The following HAPLN1 variants were observed in gnomAD, a reference collection of about 807,000 sequenced individuals.
HAPLN1 encodes Cartilage link protein.
Under a neutral mutation model 36.5 loss-of-function variants are expected in HAPLN1, and 13 were observed. The ratio of observed to expected loss-of-function variants is 0.36; its 90% CI spans 0.23 to 0.57. The LOEUF (loss-of-function observed/expected upper bound fraction) is 0.57. Ranked by LOEUF, HAPLN1 falls within the 20% of genes least tolerant of loss-of-function variation. The probability of loss-of-function intolerance (pLI) is 0.83; values close to 1 mark genes in which losing one functional copy is unlikely to be tolerated. For synonymous variants in HAPLN1, 202 were observed against 169.8 expected (o/e 1.19, Z -1.48); for missense variants, 407 against 439.7 (o/e 0.93, Z 0.66).
At chr5:83,691,115 G>C (rs910574981) in intron 1 of HAPLN1, among the ~76,000 whole-genome samples, 1 of 152,006 alleles carries the variant, frequency 6.6e-6, no homozygotes, top group African/African-American at 2.4e-5. Context: ...AATGAGGTGA[G>C]TCATATAATT....
rs193147120 is a variant in HAPLN1, at chr5:83,704,934, C to T, written c.-27+15855G>A. Among the ~76,000 whole-genome samples the T allele has an allele frequency of 1.5e-3, 227 of 152,204 alleles. 1 individual carries two copies. The highest frequency in any genetic ancestry group is 7.7e-3 in the East Asian group (40 of 5,180). ...ATAGACCTCTACAGAACTGTCCATC[C>T]GAAAACAACAGAATATACATTTTTT... is the stretch of plus-strand genomic sequence containing the variant. On this transcript the variant is annotated intron_variant, in intron 1 of 4. Transcript: ENST00000274341.
intron 3 of HAPLN1, among the ~76,000 whole-genome samples, chr5:83,648,564 T>A (rs2112561005): frequency 6.6e-6 from 1 of 151,622 alleles, no homozygotes; most frequent in African/African-American, 2.4e-5. Flanking sequence ...AGAATTTTTT[T>A]TTCTAATTAG....
chr5:83,707,586 A>C (rs1751681437), intron 1 of HAPLN1, among the ~76,000 whole-genome samples: 1 of 152,248 alleles, frequency 6.6e-6, no homozygotes. Context: ...AATCAACTCA[A>C]GATTAATTAA....
At chr5:83,702,084 C>T (rs1476285093) in intron 1 of HAPLN1, among the ~76,000 whole-genome samples, 5 of 152,102 alleles carry the variant, frequency 3.3e-5, no homozygotes, top group African/African-American at 1.2e-4. Context: ...ATGATGCAAG[C>T]ATGAGCCATG....
chr5:83,687,043 G>T (rs367652697), intron 1 of HAPLN1, among the ~76,000 whole-genome samples: 6 of 152,220 alleles, frequency 3.9e-5, no homozygotes, highest in African/African-American at 1.4e-4. Flanking sequence ...AAAACAAAAG[G>T]AAATGCACTC....
intron 1 of HAPLN1, among the ~76,000 whole-genome samples, chr5:83,712,593 A>T (rs1019963496): frequency 6.6e-6 from 1 of 152,052 alleles, no homozygotes; most frequent in Non-Finnish European, 1.5e-5. Context: ...CGCTAGTAAA[A>T]TCTGTGACTT....
chr5:83,660,714 T>G (rs1750362501), intron 2 of HAPLN1, among the ~76,000 whole-genome samples: 1 of 152,146 alleles, frequency 6.6e-6, no homozygotes, highest in Admixed American at 6.5e-5. Context: ...TCCACATTCA[T>G]TATTTCATTT....
rs1749570183 is a variant in HAPLN1 at position 83,638,178 on chromosome 5, T to A, written c.*3318A>T. ...AGAAAAATAGCTAAGATTCTACAAC[T>A]CAGAAGAATTAAAAGATACTGCAGT... On this transcript the variant is annotated 3_prime_UTR_variant, in exon 5 of 5. Coordinates refer to ENST00000274341, the MANE Select transcript of HAPLN1 (RefSeq NM_001884.4). 6.6e-6 allele frequency: 1 copy of A among 151,920 alleles called. No individual in the cohort carries two copies. Among genetic ancestry groups the A allele is most frequent in the Admixed American group, 6.6e-5 (1 of 15,250 alleles). The allele number at this position is 151,920 out of a possible 1,614,324, so 9.4% of individuals were successfully genotyped here. A position where few individuals can be genotyped will look rare whatever the true frequency, so the allele number is the denominator to read the frequency against.
Position 83,678,342 on chromosome 5 carries a change from C to T in HAPLN1, c.-26-4793G>A, listed in dbSNP as rs149616863. Among the ~76,000 whole-genome samples, 20 of 150,820 alleles carry T rather than the reference C, an allele frequency of 1.3e-4. No homozygotes were observed. In the East Asian group the frequency reaches 3.1e-3, roughly 24 times the overall value. On this transcript the variant is annotated intron_variant, in intron 1 of 4. Coordinates refer to ENST00000274341, the MANE Select transcript of HAPLN1 (RefSeq NM_001884.4). ...AAATAATAGGCAGATGGGTATTTTC[C>T]TTTTATTTTACAAACTCTTTATATT...
At chr5:83,675,675 T>C (rs1750843701) in intron 1 of HAPLN1, among the ~76,000 whole-genome samples, 1 of 152,192 alleles carries the variant, frequency 6.6e-6, no homozygotes, top group African/African-American at 2.4e-5. Flanking sequence ...TCCAACAACC[T>C]AATTTAAAAT....
chr5:83,652,034 A>G (rs192401926), intron 3 of HAPLN1: 6 of 174,062 alleles, frequency 3.4e-5, no homozygotes, highest in Admixed American at 6.3e-5. Flanking sequence ...ACAGAATACA[A>G]TTACATATAT....
At chr5:83,660,364 C>T (rs1384818032) in intron 2 of HAPLN1, among the ~76,000 whole-genome samples, 2 of 152,098 alleles carry the variant, frequency 1.3e-5, no homozygotes, top group Non-Finnish European at 2.9e-5. Flanking sequence ...GGAGGTTTAT[C>T]TATGGCAATG....
chr5:83,683,525 G>T (rs2112611098), intron 1 of HAPLN1, among the ~76,000 whole-genome samples: 1 of 152,320 alleles, frequency 6.6e-6, no homozygotes, highest in Admixed American at 6.5e-5. Flanking sequence ...GCAAATGACA[G>T]TTGAGGATAA....
At chr5:83,647,855 A>G (rs540826839) in intron 3 of HAPLN1, among the ~76,000 whole-genome samples, 1 of 152,300 alleles carries the variant, frequency 6.6e-6, no homozygotes, top group African/African-American at 2.4e-5. Context: ...AGCATAAATA[A>G]TATTACCTTC....
At chr5:83,689,445 G>T (rs1013094209) in intron 1 of HAPLN1, among the ~76,000 whole-genome samples, 1 of 135,796 alleles carries the variant, frequency 7.4e-6, no homozygotes, top group South Asian at 2.5e-4. Flanking sequence ...TTAATAAAAG[G>T]CCTTATAACT....
intron 1 of HAPLN1, among the ~76,000 whole-genome samples, chr5:83,705,387 C>CAAAAAAAAAA (rs762927081): frequency 1.1e-4 from 9 of 85,412 alleles, no homozygotes; most frequent in East Asian, 7.0e-4. Flanking sequence ...TGAAACGTCA[C>CAAAAAAAAAA]AAAAAAAAAA....
rs56962854 is a variant in HAPLN1 at position 83,678,220 on chromosome 5, G to GGTGTGTGTGTGTGTGT, written c.-26-4687_-26-4672dup. ...CATTTTCCTTTTTATCTATAGTTTG[G>GGTGTGTGTGTGTGTGT]GTGTGTGTGTGTGTGTGTGTGTGTG... is the stretch of plus-strand genomic sequence containing the variant. On this transcript the variant is annotated intron_variant, in intron 1 of 4. Transcript: ENST00000274341. Among the ~76,000 whole-genome samples the GGTGTGTGTGTGTGTGT allele has an allele frequency of 4.8e-3, 688 of 142,608 alleles. 4 individuals are homozygous for GGTGTGTGTGTGTGTGT. The highest frequency in any genetic ancestry group is 0.014 in the Admixed American group (196 of 14,290). The allele number at this position is 142,608 out of a possible 152,430, so 93.6% of individuals were successfully genotyped here. A position where few individuals can be genotyped will look rare whatever the true frequency, so the allele number is the denominator to read the frequency against.
intron 1 of HAPLN1, among the ~76,000 whole-genome samples, chr5:83,717,051 C>A (rs1751933030): frequency 6.6e-6 from 1 of 151,904 alleles, no homozygotes; most frequent in African/African-American, 2.4e-5. Context: ...AAAACAAAAA[C>A]TAGAAAAGTT....
chr5:83,689,875 A>T (rs1011602723), intron 1 of HAPLN1, among the ~76,000 whole-genome samples: 1 of 152,108 alleles, frequency 6.6e-6, no homozygotes, highest in Non-Finnish European at 1.5e-5. Context: ...TTTTCATTGG[A>T]TTTATATAGA....
Sources: allele counts gnomAD v4.1 joint callset (sites outside exome capture counted in the v4.1 genomes callset), GRCh38; gene constraint gnomAD v4.1.1; transcripts MANE v1.5; gene names NCBI Gene and HGNC (gene_info 2026-07-23, HGNC 2026-07-21).